The following GABRB1 variants were observed in gnomAD, a reference collection of about 807,000 sequenced individuals.
GABRB1 encodes gamma-aminobutyric acid type A receptor subunit beta1, also known as gamma-aminobutyric acid receptor subunit beta-1.
A neutral mutation model predicts 51.6 loss-of-function variants in GABRB1; 17 were observed. The observed-to-expected ratio is 0.33, with a 90% confidence interval of 0.23 to 0.49. The LOEUF is 0.49. Ranked by LOEUF, GABRB1 falls within the 20% of genes least tolerant of loss-of-function variation. GABRB1 has a pLI of 0.99. For synonymous variants in GABRB1, 247 were observed against 218.9 expected, an observed-to-expected ratio of 1.13 and a Z score of -1.14; for missense variants, 410 against 600.6, an observed-to-expected ratio of 0.68 and a Z score of 3.32.
intron 3 of GABRB1, among the ~76,000 whole-genome samples, chr4:47,130,994 G>T (rs572390725): frequency 2.0e-5 from 3 of 152,262 alleles, no homozygotes; most frequent in African/African-American, 7.2e-5. Flanking sequence ...TAAAGCTGAA[G>T]TTTTGTTTAT....
At chr4:47,003,163 T>G (rs1307015625) in intron 1 of GABRB1, among the ~76,000 whole-genome samples, 1 of 152,242 alleles carries the variant, frequency 6.6e-6, no homozygotes, top group African/African-American at 2.4e-5. Flanking sequence ...TCCATGTATC[T>G]TCACATGTCA....
At chr4:47,287,728 G>C (rs981154587) in intron 4 of GABRB1, among the ~76,000 whole-genome samples, 5 of 152,298 alleles carry the variant, frequency 3.3e-5, no homozygotes, top group Admixed American at 6.5e-5. Flanking sequence ...GTTTTAAAAA[G>C]CCTGACTTCT....
At chr4:47,092,756 T>G (rs1272368666) in intron 3 of GABRB1, among the ~76,000 whole-genome samples, 1 of 151,746 alleles carries the variant, frequency 6.6e-6, no homozygotes, top group Admixed American at 6.6e-5. Context: ...GGATTACAGG[T>G]GCCCGCCACC....
At chr4:47,139,741 C>T (rs1716833162) in intron 3 of GABRB1, among the ~76,000 whole-genome samples, 1 of 151,972 alleles carries the variant, frequency 6.6e-6, no homozygotes, top group African/African-American at 2.4e-5. Flanking sequence ...GTAGTGCTCT[C>T]AAACTTTAAT....
At chr4:47,048,237 A>G (rs1481022042) in intron 3 of GABRB1, among the ~76,000 whole-genome samples, 6 of 152,166 alleles carry the variant, frequency 3.9e-5, no homozygotes, top group African/African-American at 1.4e-4. Context: ...AGACAATGAC[A>G]AGGCCCTGGG....
chr4:47,198,694 A>G (rs777198250), intron 4 of GABRB1, among the ~76,000 whole-genome samples: 1 of 152,176 alleles, frequency 6.6e-6, no homozygotes, highest in African/African-American at 2.4e-5. Flanking sequence ...CAAGCAATGA[A>G]CTTGGATATT....
At chr4:47,030,275 G>A (rs1290976956), upstream of GABRB1, among the ~76,000 whole-genome samples, 2 of 151,984 alleles carry the variant, frequency 1.3e-5, no homozygotes, top group African/African-American at 4.8e-5. Flanking sequence ...AGAATTTTTT[G>A]TTATTATTGT....
At chr4:47,191,655 A>G (rs1379240431) in intron 4 of GABRB1, among the ~76,000 whole-genome samples, 1 of 152,172 alleles carries the variant, frequency 6.6e-6, no homozygotes, top group Non-Finnish European at 1.5e-5. Context: ...GAAAACTTTG[A>G]AAGAAATTAA....
intron 4 of GABRB1, among the ~76,000 whole-genome samples, chr4:47,291,561 A>C (rs1021334758): frequency 6.6e-6 from 1 of 152,076 alleles, no homozygotes; most frequent in Non-Finnish European, 1.5e-5. Flanking sequence ...AGCTGAAGAC[A>C]CTCAATGCCA....
chr4:47,336,720 A>G (rs1332492917), intron 5 of GABRB1, among the ~76,000 whole-genome samples: 1 of 152,250 alleles, frequency 6.6e-6, no homozygotes, highest in Admixed American at 6.5e-5. Flanking sequence ...ATAACTGACA[A>G]TTGGATTTAG....
At chr4:47,148,020 T>C (rs1039422536) in intron 3 of GABRB1, among the ~76,000 whole-genome samples, 8 of 152,086 alleles carry the variant, frequency 5.3e-5, no homozygotes, top group Non-Finnish European at 1.0e-4. Context: ...ACCTGCCATA[T>C]AACAAATGGA....
At chr4:46,997,641 A>C (rs1724043292) in intron 1 of GABRB1, among the ~76,000 whole-genome samples, 1 of 151,862 alleles carries the variant, frequency 6.6e-6, no homozygotes, top group Admixed American at 6.6e-5. Context: ...TTCACTTACT[A>C]TATGTCCTCC....
At chr4:47,100,581 G>A (rs1051504470) in intron 3 of GABRB1, among the ~76,000 whole-genome samples, 2 of 151,884 alleles carry the variant, frequency 1.3e-5, no homozygotes, top group African/African-American at 4.8e-5. Flanking sequence ...GAATCAGTCC[G>A]TTCTCTCCTA....
At chr4:47,369,854 T>TTTTCATAA (rs1727124433) in intron 5 of GABRB1, among the ~76,000 whole-genome samples, 1 of 152,160 alleles carries the variant, frequency 6.6e-6, no homozygotes, top group Non-Finnish European at 1.5e-5. Context: ...AAATGCATAC[T>TTTTCATAA]TTTCATAATT....
chr4:47,359,270 T>C (rs1726712030), intron 5 of GABRB1, among the ~76,000 whole-genome samples: 1 of 152,154 alleles, frequency 6.6e-6, no homozygotes, highest in Non-Finnish European at 1.5e-5. Context: ...CCCTTAGCAG[T>C]GAACATCATG....
chr4:47,032,220 C>G (rs1364424449), intron 2 of GABRB1, among the ~76,000 whole-genome samples, 197 bp from the exon 3 acceptor site: 1 of 151,920 alleles, frequency 6.6e-6, no homozygotes, highest in Non-Finnish European at 1.5e-5. Flanking sequence ...TCTCCCGGGC[C>G]GACACACCCT....
At chr4:47,046,101 C>G (rs1482690702) in intron 3 of GABRB1, among the ~76,000 whole-genome samples, 2 of 152,048 alleles carry the variant, frequency 1.3e-5, no homozygotes, top group African/African-American at 4.8e-5. Context: ...CCCCTGCTTA[C>G]CCTTCTCTCT....
At chr4:47,205,101 G>A (rs548699247) in intron 4 of GABRB1, among the ~76,000 whole-genome samples, 16 of 152,184 alleles carry the variant, frequency 1.1e-4, no homozygotes, top group South Asian at 4.2e-4. Context: ...GTTTTACTAG[G>A]TTGTTGGCAT....
At chr4:47,046,604 G>A (rs1348621001) in intron 3 of GABRB1, among the ~76,000 whole-genome samples, 3 of 152,046 alleles carry the variant, frequency 2.0e-5, no homozygotes, top group Non-Finnish European at 4.4e-5. Context: ...GAGATCTCAT[G>A]ACATAGCAGA....
Sources: gnomAD v4.1 joint callset for allele counts (sites outside exome capture counted in the v4.1 genomes callset) on GRCh38, gnomAD v4.1.1 for gene constraint, MANE v1.5 for transcripts, NCBI Gene and HGNC (gene_info 2026-07-23, HGNC 2026-07-21) for gene names.